Variants in TRAP1 observed in about 807,000 individuals in gnomAD.
TRAP1 encodes heat shock protein 75 kDa, mitochondrial.
A neutral mutation model predicts 89.1 loss-of-function variants in TRAP1; 102 were observed. The ratio of observed to expected loss-of-function variants is 1.15; its 90% CI spans 0.98 to 1.35. The LOEUF is 1.35. Ranked by LOEUF, TRAP1 falls within the 40% of genes most tolerant of loss-of-function variation. The pLI is 0.00. For synonymous variants in TRAP1, 508 were observed against 388.0 expected (o/e 1.31, Z -3.64); for missense variants, 1,256 against 945.3 (o/e 1.33, Z -4.31).
Position 3,712,320 on chromosome 16 carries a change from GAT to G in TRAP1, c.88+5099_88+5100del, listed in dbSNP as rs1367332284. ...AAAAAAAAAAAAAAAAAAAAAAAAA[GAT>G]ATGTCAGCATTTTGAGACAAGCAAG... On this transcript the variant is annotated intron_variant, in intron 1 of 17. Transcript: ENST00000246957. Among the ~76,000 whole-genome samples, 9 of 67,624 alleles carry G rather than the reference GAT, an allele frequency of 1.3e-4. No individual in the cohort carries two copies. The East Asian group carries it at 2.1e-3, about 16-fold the overall frequency. 44.4% of individuals were successfully genotyped at this position (67,624 alleles called of 152,430 possible).
At chr16:3,683,513 G>A (rs1443085775) in intron 4 of TRAP1, among the ~76,000 whole-genome samples, 1 of 151,540 alleles carries the variant, frequency 6.6e-6, no homozygotes, top group African/African-American at 2.4e-5. Context: ...AGCCTCCTGA[G>A]CAGCTGGGAT....
chr16:3,662,521 CA>C (rs2043142754), intron 15 of TRAP1: 2 of 528,666 alleles, frequency 3.8e-6, no homozygotes, highest in East Asian at 3.7e-5. Flanking sequence ...GAAGCCCACC[CA>C]AAACCCCCGA....
chr16:3,674,560 GGCCTGAGCCAGTGCAGC>G, intron 8 of TRAP1, 66 bp from the exon 9 acceptor site: 1 of 1,571,120 alleles, frequency 6.4e-7, no homozygotes, highest in Non-Finnish European at 8.6e-7. Context: ...CCACCGTGCA[GGCCTGAGCCAGTGCAGC>G]GCCTGGCCCT....
intron 1 of TRAP1, among the ~76,000 whole-genome samples, chr16:3,716,667 C>G (rs1267393636): frequency 6.6e-6 from 1 of 152,228 alleles, no homozygotes; most frequent in Non-Finnish European, 1.5e-5. Flanking sequence ...TTTATATTTA[C>G]ACGTATAACA....
intron 16 of TRAP1, chr16:3,661,656 C>G (rs2043081921): frequency 3.6e-6 from 1 of 276,528 alleles, no homozygotes; most frequent in Non-Finnish European, 6.8e-6. Context: ...GAGACTTCAG[C>G]AAACACCAAG....
Position 3,707,129 on chromosome 16 carries a change from G to C in TRAP1, c.88+10292C>G, listed in dbSNP as rs1596753619. On this transcript the variant is annotated intron_variant, in intron 1 of 17. Transcript: ENST00000246957. ...TAACTCACTGTAGTTTTGCTTTGCA[G>C]TTCCTAAACTGCCAGGCATCTTGAG... Among the ~76,000 whole-genome samples the C allele has an allele frequency of 4.7e-5, 7 of 150,370 alleles. No individual in the cohort carries two copies. In the South Asian group the frequency reaches 1.5e-3, roughly 32 times the overall value.
intron 3 of TRAP1, 23 bp from the exon 4 acceptor site, chr16:3,686,159 CACAG>C: frequency 6.2e-7 from 1 of 1,611,758 alleles, no homozygotes; most frequent in Non-Finnish European, 8.5e-7. Context: ...AAATGGGAGG[CACAG>C]ACAATGAAGG....
intron 4 of TRAP1, among the ~76,000 whole-genome samples, chr16:3,681,870 G>C (rs1485993408): frequency 6.6e-6 from 1 of 152,152 alleles, no homozygotes; most frequent in African/African-American, 2.4e-5. Context: ...ATTCTAAAAT[G>C]TATATGGAAA....
In TRAP1 at chr16:3,662,671, C is replaced by A. The variant is rs866870554; in HGVS notation, c.1794+211G>T. 109 of 691,508 alleles carry A rather than the reference C, an allele frequency of 1.6e-4. 1 individual carries two copies. The Middle Eastern group carries it at 0.012, about 74-fold the overall frequency. The allele number at this position is 691,508 out of a possible 1,614,324, so 42.8% of individuals were successfully genotyped here. A position where few individuals can be genotyped will look rare whatever the true frequency, so the allele number is the denominator to read the frequency against. On this transcript the variant is annotated intron_variant, in intron 15 of 17. Transcript: ENST00000246957. ...TTCTCAGTTCACACCTGCTCTGGAG[C>A]AGGGCTGGGAGAAAGACACGGCCTT...
chr16:3,663,787 CAT>C (rs1377546078), intron 13 of TRAP1: 2 of 574,032 alleles, frequency 3.5e-6, no homozygotes, highest in Non-Finnish European at 6.1e-6. Flanking sequence ...AAGAAATCCA[CAT>C]GTGGCTGAGT....
At chr16:3,658,335 C>A in intron 17 of TRAP1, 105 bp from the exon 18 acceptor site, 1 of 916,572 alleles carries the variant, frequency 1.1e-6, no homozygotes, top group Admixed American at 2.3e-5. Flanking sequence ...AGTGCAGAGG[C>A]ACGATCTCGG....
At chr16:3,659,025 T>G (rs992912602) in intron 16 of TRAP1, 160 bp from the exon 17 acceptor site, 8 of 709,040 alleles carry the variant, frequency 1.1e-5, no homozygotes, top group Middle Eastern at 2.4e-4. Context: ...AATATCATTA[T>G]ATACCCAGAA....
chr16:3,671,917 AGGGAGGCGG>A, intron 10 of TRAP1, 126 bp from the exon 11 acceptor site: 1 of 1,004,376 alleles, frequency 1.0e-6, no homozygotes. Flanking sequence ...AGAGGGAAGC[AGGGAGGCGG>A]CACTGCCGGA....
chr16:3,716,169 A>T (rs1285987748), intron 1 of TRAP1, among the ~76,000 whole-genome samples: 2 of 152,214 alleles, frequency 1.3e-5, no homozygotes, highest in Admixed American at 6.5e-5. Flanking sequence ...TATCTTTTAT[A>T]GACCACTGGT....
In TRAP1 at chr16:3,690,980, G is replaced by A; in HGVS notation, c.94C>T (p.Pro32Ser). 6.7e-7 allele frequency: 1 copy of A among 1,502,110 alleles called. No homozygotes were observed. The highest frequency in any genetic ancestry group is 8.9e-7 in the Non-Finnish European group (1 of 1,125,100). The allele number at this position is 1,502,110 out of a possible 1,614,324, so 93.0% of individuals were successfully genotyped here. Residue 32 changes from proline to serine, a missense_variant, in exon 2 of 18, where the codon CCA becomes TCA. Physicochemically the swap from Pro to Ser is moderately conservative, Grantham distance 74. Transcript: ENST00000246957. ...GTGGTCCTCCGAGGACACAGAATTG[G>A]TTTTCCTGAAAAGACAAATATGCAG... Reference protein sequence around the residue: ...PALAAVPGGKPILCPRRTTAQ... With the variant: ...PALAAVPGGKSILCPRRTTAQ...
At chr16:3,673,181 C>G (rs1014720435) in intron 9 of TRAP1, among the ~76,000 whole-genome samples, 3 of 152,186 alleles carry the variant, frequency 2.0e-5, no homozygotes, top group Admixed American at 2.0e-4. Flanking sequence ...CTCTGTGTAG[C>G]CTAAGAGTGG....
At chr16:3,691,262 G>A (rs577360551) in intron 1 of TRAP1, 17 of 253,566 alleles carry the variant, frequency 6.7e-5, no homozygotes, top group Non-Finnish European at 1.1e-4. Flanking sequence ...TTCAGAGGGG[G>A]TCTCGCTCTG....
In TRAP1 at chr16:3,679,717, A is replaced by G. The variant is rs1214329095; in HGVS notation, c.543+2T>C. ...GAGGCTGTGTGGGGGCCCCACGCTT[A>G]CCTTTGACCCCGATCTGGCAATCGT... On this transcript the variant is annotated splice_donor_variant, in intron 5 of 17. Coordinates refer to ENST00000246957, the MANE Select transcript of TRAP1 (RefSeq NM_016292.3). LOFTEE classifies it high-confidence loss of function. 1 of 1,613,846 alleles carries G rather than the reference A, an allele frequency of 6.2e-7. No individual in the cohort carries two copies. Among genetic ancestry groups the G allele is most frequent in the African/African-American group, 1.3e-5 (1 of 74,894 alleles).
chr16:3,674,855 A>G, intron 8 of TRAP1: 2 of 356,574 alleles, frequency 5.6e-6, no homozygotes, highest in South Asian at 3.4e-5. Context: ...CGCGAGGGGG[A>G]AGTCAGTCAC....
Sources: allele counts gnomAD v4.1 joint callset (sites outside exome capture counted in the v4.1 genomes callset), GRCh38; gene constraint gnomAD v4.1.1; transcripts MANE v1.5; gene names NCBI Gene and HGNC (gene_info 2026-07-23, HGNC 2026-07-21).